AGBL4: variants seen among roughly 807,000 people sequenced by gnomAD.
AGBL4 encodes the protein cytosolic carboxypeptidase 6.
In AGBL4, 58 loss-of-function variants were observed where a neutral mutation model predicts 66.4. The observed-to-expected ratio is 0.87, with a 90% CI of 0.71 to 1.09. The LOEUF is 1.09. Among genes scored for constraint, AGBL4 ranks in the 50% least tolerant of loss-of-function variants. The pLI is 0.00. For synonymous variants in AGBL4, 234 were observed against 222.9 expected (o/e 1.05, Z -0.44); for missense variants, 579 against 631.0 (o/e 0.92, Z 0.88).
intron 11 of AGBL4, among the ~76,000 whole-genome samples, chr1:48,558,425 A>C (rs1248815894): frequency 6.6e-6 from 1 of 152,194 alleles, no homozygotes; most frequent in Non-Finnish European, 1.5e-5. Context: ...CCCAGTCTCA[A>C]TTCCATGACT....
intron 3 of AGBL4, among the ~76,000 whole-genome samples, chr1:49,450,339 G>A (rs910757823): frequency 2.0e-5 from 3 of 152,024 alleles, no homozygotes; most frequent in Admixed American, 2.0e-4. Context: ...AAGAGATAAA[G>A]TGAGAAGAGC....
chr1:49,453,376 A>G (rs998484757), intron 3 of AGBL4, among the ~76,000 whole-genome samples: 1 of 151,840 alleles, frequency 6.6e-6, no homozygotes, highest in Non-Finnish European at 1.5e-5. Flanking sequence ...CAGATTTAAT[A>G]GAACTACCCA....
chr1:48,938,993 T>C (rs1315620290), intron 5 of AGBL4, among the ~76,000 whole-genome samples: 1 of 152,190 alleles, frequency 6.6e-6, no homozygotes, highest in Non-Finnish European at 1.5e-5. Context: ...CATCACCCCC[T>C]TTTTACAGAA....
intron 11 of AGBL4, among the ~76,000 whole-genome samples, chr1:48,553,794 C>G (rs923663031): frequency 3.9e-5 from 6 of 152,146 alleles, no homozygotes; most frequent in African/African-American, 7.2e-5. Context: ...TGGTAATGTT[C>G]CTTCTTCTCA....
chr1:49,766,139 C>A (rs1652715399), intron 2 of AGBL4, among the ~76,000 whole-genome samples: 1 of 152,150 alleles, frequency 6.6e-6, no homozygotes, highest in Non-Finnish European at 1.5e-5. Context: ...TTTCACCAGA[C>A]TGACTGTCCC....
At chr1:49,173,017 G>A (rs1481516361) in intron 4 of AGBL4, among the ~76,000 whole-genome samples, 3 of 152,082 alleles carry the variant, frequency 2.0e-5, no homozygotes, top group African/African-American at 7.2e-5. Flanking sequence ...TACTTGGGAG[G>A]CTGAGGCAGG....
intron 7 of AGBL4, among the ~76,000 whole-genome samples, chr1:48,656,529 C>G (rs6674328): frequency 6.6e-6 from 1 of 152,210 alleles, no homozygotes; most frequent in Admixed American, 6.5e-5. Flanking sequence ...CTGATGGGAA[C>G]AGCACATAGC....
At chr1:48,532,482 A>G (rs1442303833), downstream of AGBL4, among the ~76,000 whole-genome samples, 2 of 152,190 alleles carry the variant, frequency 1.3e-5, no homozygotes, top group Non-Finnish European at 2.9e-5. Context: ...TAATCAATGT[A>G]GTTTTAACTA....
chr1:49,750,767 AGGAGTG>A (rs1266233391), intron 2 of AGBL4, among the ~76,000 whole-genome samples: 1 of 152,098 alleles, frequency 6.6e-6, no homozygotes, highest in African/African-American at 2.4e-5. Context: ...TAGTTCCTTG[AGGAGTG>A]GTTTGTAGTT....
chr1:49,542,915 A>C (rs1001428186), intron 3 of AGBL4, among the ~76,000 whole-genome samples: 2 of 150,040 alleles, frequency 1.3e-5, no homozygotes, highest in South Asian at 2.1e-4. Flanking sequence ...AAAAAAAAAA[A>C]AAAAAAAAAA....
At chr1:48,791,790 T>C (rs972262382) in intron 6 of AGBL4, among the ~76,000 whole-genome samples, 1 of 152,162 alleles carries the variant, frequency 6.6e-6, no homozygotes, top group Non-Finnish European at 1.5e-5. Context: ...TTGCACACAG[T>C]AGGCACTGGT....
rs1646943065 is a variant in AGBL4 at position 49,182,250 on chromosome 1, T to C, written c.377+63520A>G. 2.0e-5 allele frequency among the ~76,000 whole-genome samples: 3 copies of C among 152,322 alleles called. No individual in the cohort carries two copies. In the South Asian group the frequency reaches 6.2e-4, roughly 32 times the overall value. On this transcript the variant is annotated intron_variant, in intron 4 of 13. Coordinates refer to ENST00000371839, the MANE Select transcript of AGBL4 (RefSeq NM_032785.4). The stretch of plus-strand genomic sequence containing the variant: ...GCAGAGTTCCAAAAAGAACAGACCC[T>C]TTCTCTCCAAGGTTCCCTTCCTTAG...
chr1:50,021,772 C>G (rs1166559971), intron 1 of AGBL4, among the ~76,000 whole-genome samples: 1 of 152,172 alleles, frequency 6.6e-6, no homozygotes, highest in Non-Finnish European at 1.5e-5. Flanking sequence ...TCTGTACTCT[C>G]CACATTGTAG....
intron 1 of AGBL4, among the ~76,000 whole-genome samples, chr1:49,977,505 A>G (rs1658665897): frequency 6.6e-6 from 1 of 152,266 alleles, no homozygotes. Flanking sequence ...AGTTCACTGA[A>G]GGACCAGACG....
intron 11 of AGBL4, chr1:48,586,082 C>T (rs1042808537): frequency 6.6e-6 from 1 of 152,164 alleles, no homozygotes; most frequent in African/African-American, 2.4e-5. Flanking sequence ...AACCCGAAAA[C>T]AAAGGATCAA....
intron 6 of AGBL4, among the ~76,000 whole-genome samples, chr1:48,850,258 C>T (rs1247390013): frequency 1.3e-5 from 2 of 152,200 alleles, no homozygotes; most frequent in Non-Finnish European, 2.9e-5. Context: ...ACTATAGCAA[C>T]CCATCCCTTC....
At chr1:49,838,525 C>G (rs770017569) in intron 2 of AGBL4, among the ~76,000 whole-genome samples, 1 of 152,144 alleles carries the variant, frequency 6.6e-6, no homozygotes, top group Non-Finnish European at 1.5e-5. Context: ...CAAGATATTC[C>G]TAAACCTTCA....
intron 6 of AGBL4, among the ~76,000 whole-genome samples, chr1:48,826,256 G>A (rs1646424719): frequency 6.6e-6 from 1 of 152,040 alleles, no homozygotes; most frequent in Non-Finnish European, 1.5e-5. Flanking sequence ...CTGTAAAATG[G>A]GGCTGATGAT....
chr1:49,177,873 T>A (rs1345869917), intron 4 of AGBL4, among the ~76,000 whole-genome samples: 1 of 152,114 alleles, frequency 6.6e-6, no homozygotes, highest in Non-Finnish European at 1.5e-5. Flanking sequence ...AGATGAGAAT[T>A]AATGTCAACT....
Sources: allele counts gnomAD v4.1 joint callset (sites outside exome capture counted in the v4.1 genomes callset), GRCh38; gene constraint gnomAD v4.1.1; transcripts MANE v1.5; gene names NCBI Gene and HGNC (gene_info 2026-07-23, HGNC 2026-07-21).